LUC7L3: variants seen among roughly 807,000 people sequenced by gnomAD.
LUC7L3 encodes the protein LUC7 like 3 pre-mRNA splicing factor, also known as luc7-like protein 3.
Under a neutral mutation model 66.8 loss-of-function variants are expected in LUC7L3, and 6 were observed. The observed-to-expected ratio is 0.09, with a 90% CI of 0.05 to 0.18. LUC7L3 has a LOEUF of 0.18. Ranked by LOEUF, LUC7L3 falls within the 10% of genes least tolerant of loss-of-function variation. The probability of loss-of-function intolerance (pLI) is 1.00; values close to 1 mark genes in which losing one functional copy is unlikely to be tolerated. For missense variants in LUC7L3, 341 were observed against 531.1 expected (o/e 0.64, Z 3.52); for synonymous variants, 160 against 174.7 (o/e 0.92, Z 0.66).
intron 2 of LUC7L3, among the ~76,000 whole-genome samples, chr17:50,739,713 C>T (rs1386716946): frequency 6.6e-6 from 1 of 152,100 alleles, no homozygotes. Flanking sequence ...CATAATGAGC[C>T]TTTGTTTGGC....
intron 1 of LUC7L3, among the ~76,000 whole-genome samples, chr17:50,728,616 G>C (rs1028853397): frequency 3.3e-5 from 5 of 152,174 alleles, no homozygotes; most frequent in African/African-American, 9.7e-5. Context: ...GCAGTGGCGC[G>C]ATCTCAGCTC....
At chr17:50,726,758 A>G (rs1330885490) in intron 1 of LUC7L3, among the ~76,000 whole-genome samples, 3 of 152,056 alleles carry the variant, frequency 2.0e-5, no homozygotes, top group Admixed American at 2.0e-4. Flanking sequence ...TTCCCTAAAC[A>G]TTCTACAGTG....
chr17:50,729,896 TTATATATATATATATA>T (rs1156777167), intron 1 of LUC7L3, among the ~76,000 whole-genome samples: 1,044 of 65,484 alleles, frequency 0.016, 23 homozygotes, highest in Admixed American at 0.05. Flanking sequence ...TATAAATACA[TTATATATATATATATA>T]TATATATATA....
intron 1 of LUC7L3, among the ~76,000 whole-genome samples, chr17:50,726,133 CATT>C (rs1407163953): frequency 3.3e-5 from 5 of 149,968 alleles, no homozygotes; most frequent in Admixed American, 2.0e-4. Flanking sequence ...GTATTTTCAT[CATT>C]GTTTATTGCA....
Position 50,751,181 on chromosome 17 carries a change from C to CT in LUC7L3, c.*523dup. The CT allele has an allele frequency of 6.8e-7, 1 of 1,470,812 alleles. No homozygotes were observed. Among genetic ancestry groups the CT allele is most frequent in the Non-Finnish European group, 9.0e-7 (1 of 1,110,654 alleles). 91.1% of individuals were successfully genotyped at this position (1,470,812 alleles called of 1,614,324 possible). ...TGTCAAGGATGTTTCTAGTTTTTTG[C>CT]TTTATTGCCTTGCATTCTAATGCAG... On this transcript the variant is annotated 3_prime_UTR_variant, in exon 10 of 10. Transcript: ENST00000505658.
chr17:50,734,017 G>A (rs1382304012), intron 1 of LUC7L3, among the ~76,000 whole-genome samples: 1 of 152,190 alleles, frequency 6.6e-6, no homozygotes, highest in Admixed American at 6.5e-5. Context: ...CAAAATGGAT[G>A]TTTTAAGAAT....
At chr17:50,742,580 A>C (rs1970419175) in intron 5 of LUC7L3, among the ~76,000 whole-genome samples, 1 of 152,164 alleles carries the variant, frequency 6.6e-6, no homozygotes, top group Admixed American at 6.5e-5. Flanking sequence ...GCTGGTCTCA[A>C]ATTCCTGACC....
chr17:50,753,188 G>A lies in LUC7L3; in HGVS notation c.*2527G>A, dbSNP rs8064977. ...GTTTCTATCTATAGCCAGCTTCTTC[G>A]ACTGTATAAAAGTATTCTCTCCAGC... On this transcript the variant is annotated 3_prime_UTR_variant, in exon 10 of 10. Transcript: ENST00000505658. 0.62 allele frequency: 94,386 copies of A among 152,316 alleles called. 31,145 individuals carry two copies. The highest frequency in any genetic ancestry group is 0.86 in the African/African-American group (35,738 of 41,512). The allele number at this position is 152,316 out of a possible 1,614,324, so 9.4% of individuals were successfully genotyped here.
chr17:50,750,930 A>G lies in LUC7L3; in HGVS notation c.*269A>G, dbSNP rs1489803053. ...TGCCTCTTTGGAAATTATCGCCCAC[A>G]TTTGTAATATAGTCGCCATTGAAAA... is the stretch of plus-strand genomic sequence containing the variant. On this transcript the variant is annotated 3_prime_UTR_variant, in exon 10 of 10. Coordinates refer to ENST00000505658, the MANE Select transcript of LUC7L3 (RefSeq NM_016424.5). The G allele has an allele frequency of 1.3e-6, 2 of 1,531,498 alleles. No homozygotes were observed. Among genetic ancestry groups the G allele is most frequent in the Admixed American group, 2.0e-5 (1 of 50,382 alleles). The allele number at this position is 1,531,498 out of a possible 1,614,324, so 94.9% of individuals were successfully genotyped here.
intron 1 of LUC7L3, among the ~76,000 whole-genome samples, chr17:50,733,723 G>T (rs1486845088): frequency 6.6e-6 from 1 of 152,146 alleles, no homozygotes; most frequent in Non-Finnish European, 1.5e-5. Flanking sequence ...TCATGTGTGT[G>T]AGGATGGCAC....
chr17:50,721,577 A>G (rs1445593706), intron 1 of LUC7L3, among the ~76,000 whole-genome samples: 1 of 152,266 alleles, frequency 6.6e-6, no homozygotes, highest in Non-Finnish European at 1.5e-5. Context: ...CAAGTCAGTT[A>G]CTGGCATTTC....
chr17:50,747,980 T>G (rs891660744), intron 9 of LUC7L3, among the ~76,000 whole-genome samples: 1 of 152,246 alleles, frequency 6.6e-6, no homozygotes, highest in Non-Finnish European at 1.5e-5. Flanking sequence ...GTGTAATGTC[T>G]TTTTGGGTTG....
chr17:50,738,980 C>T (rs1452471049), intron 2 of LUC7L3, among the ~76,000 whole-genome samples: 1 of 152,088 alleles, frequency 6.6e-6, no homozygotes, highest in Non-Finnish European at 1.5e-5. Context: ...AAGTTGAAGA[C>T]ATTGGAGAAA....
At chr17:50,729,899 TATATA>T (rs1969455202) in intron 1 of LUC7L3, among the ~76,000 whole-genome samples, 464 of 14,232 alleles carry the variant, frequency 0.033, 13 homozygotes, top group South Asian at 0.096. Flanking sequence ...AAATACATTA[TATATA>T]TATATATATA....
chr17:50,727,998 G>A lies in LUC7L3; in HGVS notation c.99+8167G>A, dbSNP rs1051336215. ...CGTGGTGTGGTGGCAGGCGCCTGTAGCCCCAGCTACTCGAGAGGCTGAGAC... is the reference window on the plus strand; with the variant it reads ...CGTGGTGTGGTGGCAGGCGCCTGTAACCCCAGCTACTCGAGAGGCTGAGAC... On this transcript the variant is annotated intron_variant, in intron 1 of 9. Transcript: ENST00000505658. Among the ~76,000 whole-genome samples, 4 of 151,548 alleles carry A rather than the reference G, an allele frequency of 2.6e-5. No individual in the cohort carries two copies. The East Asian group carries it at 5.8e-4, about 22-fold the overall frequency.
intron 1 of LUC7L3, among the ~76,000 whole-genome samples, chr17:50,721,913 T>G (rs1968796449): frequency 6.6e-6 from 1 of 152,108 alleles, no homozygotes; most frequent in Non-Finnish European, 1.5e-5. Context: ...CCTTGTTTTT[T>G]TTTTTGGAAT....
rs757242030 is a variant in LUC7L3, at chr17:50,746,577, G to A, written c.1013G>A (p.Arg338Gln). ...RDRRRSRSHD[R>Q]SERKHRSRSR... ...CGACGAAGAAGCAGAAGCCATGATC[G>A]ATCAGAAAGAAAACACAGATCTCGA... Residue 338 changes from arginine (R) to glutamine (Q), a missense_variant, in exon 9 of 10, where the codon CGA (arginine) becomes CAA (glutamine). By Grantham distance (43) the Arg-to-Gln change is conservative (BLOSUM62 1). Around this residue, in one of 6 missense-constraint regions of LUC7L3, gnomAD observed 210 missense variants for 238.1 expected, o/e 0.88. Transcript: ENST00000505658. 6.2e-6 allele frequency: 10 copies of A among 1,613,876 alleles called. No individual in the cohort carries two copies. Among genetic ancestry groups the A allele is most frequent in the African/African-American group, 5.3e-5 (4 of 74,892 alleles).
At chr17:50,749,249 T>A (rs1366642693) in intron 9 of LUC7L3, 1 of 1,288,716 alleles carries the variant, frequency 7.8e-7, no homozygotes, top group Admixed American at 2.3e-5. Flanking sequence ...GACTGACTAC[T>A]AGTCCTCTAC....
In LUC7L3 at chr17:50,741,094, G is replaced by A; in HGVS notation, c.207-8G>A. ...GAAATGAGTACTTGTTTATTTTCAT[G>A]TTACCAGGTATGAGAAGAGCTCTCG... On this transcript the variant is annotated splice_region_variant and splice_polypyrimidine_tract_variant and intron_variant, in intron 3 of 9. Transcript: ENST00000505658. 6.2e-7 allele frequency: 1 copy of A among 1,613,818 alleles called. No homozygotes were observed. Among genetic ancestry groups the A allele is most frequent in the Non-Finnish European group, 8.5e-7 (1 of 1,179,804 alleles).
Sources: allele counts gnomAD v4.1 joint callset (sites outside exome capture counted in the v4.1 genomes callset), GRCh38; gene constraint gnomAD v4.1.1; regional missense constraint gnomAD v4.1.1; transcripts MANE v1.5; gene names NCBI Gene and HGNC (gene_info 2026-07-23, HGNC 2026-07-21).